Variants in FRMPD4 observed in about 807,000 individuals in gnomAD.
FRMPD4 encodes the protein FERM and PDZ domain-containing protein 4.
FRMPD4 carries 22 observed loss-of-function variants against 94.1 expected under a neutral mutation model. That is an observed-to-expected ratio of 0.23 (90% CI 0.17 to 0.33). The LOEUF is 0.33. FRMPD4 is among the 10% of genes least tolerant of loss of function. The probability of loss-of-function intolerance (pLI) is 1.00; values close to 1 mark genes in which losing one functional copy is unlikely to be tolerated. For missense variants in FRMPD4, 1,111 were observed against 1,339.9 expected (o/e 0.83, Z 2.67); for synonymous variants, 631 against 548.6 (o/e 1.15, Z -2.10).
chrX:12,027,207 G>A (rs1019962980), intron 3 of FRMPD4, among the ~76,000 whole-genome samples: 2 of 111,633 alleles, frequency 1.8e-5, no homozygotes, highest in African/African-American at 6.5e-5. Context: ...TCTAATCTAG[G>A]GCTCATTGTT....
At chrX:12,570,071 A>T (rs994953146) in intron 2 of FRMPD4, among the ~76,000 whole-genome samples, 2 of 111,959 alleles carry the variant, frequency 1.8e-5, no homozygotes, top group Non-Finnish European at 3.8e-5. Context: ...ATAACTTTGT[A>T]GTTGGCCAAG....
intron 1 of FRMPD4, among the ~76,000 whole-genome samples, chrX:12,199,197 T>A (rs1214291358): frequency 2.7e-5 from 3 of 110,660 alleles, no homozygotes; most frequent in Non-Finnish European, 5.7e-5. Flanking sequence ...AACATTTCTT[T>A]ATTCTATAAA....
chrX:12,682,305 C>T (rs555927827), intron 5 of FRMPD4, among the ~76,000 whole-genome samples: 1 of 111,943 alleles, frequency 8.9e-6, no homozygotes, highest in African/African-American at 3.2e-5. Flanking sequence ...AAGTATAGGT[C>T]ACCCTAGTTG....
At chrX:12,036,874 T>C (rs1283094801) in intron 3 of FRMPD4, among the ~76,000 whole-genome samples, 1 of 112,329 alleles carries the variant, frequency 8.9e-6, no homozygotes, top group East Asian at 2.8e-4. Flanking sequence ...GCCATCCAGA[T>C]GCCATTGACA....
chrX:12,659,220 C>T (rs1263041885), intron 4 of FRMPD4, among the ~76,000 whole-genome samples: 1 of 112,572 alleles, frequency 8.9e-6, no homozygotes, highest in Non-Finnish European at 1.9e-5. Context: ...TAACTTGTCA[C>T]CTCTTAATGA....
At chrX:12,232,846 C>T (rs1363804309) in intron 1 of FRMPD4, among the ~76,000 whole-genome samples, 1 of 111,755 alleles carries the variant, frequency 8.9e-6, no homozygotes, top group Non-Finnish European at 1.9e-5. Flanking sequence ...CTTCAGGGAG[C>T]TAACAGTATA....
Position 12,721,475 on chromosome X carries a change from G to A in FRMPD4, c.4906G>A (p.Asp1636Asn), listed in dbSNP as rs1846551171. 3 of 755,531 alleles carry A rather than the reference G, an allele frequency of 4.0e-6. No individual in the cohort carries two copies. The highest frequency in any genetic ancestry group is 4.7e-6 in the Non-Finnish European group (3 of 639,024). The allele number at this position is 755,531 out of a possible 1,213,427, so 62.3% of individuals were successfully genotyped here. A position where few individuals can be genotyped will look rare whatever the true frequency, so the allele number is the denominator to read the frequency against. Residue 1636 changes from aspartate (D) to asparagine (N), a missense_variant, in exon 17 of 17, where the codon GAC becomes AAC. Transcript: ENST00000675598. ...KREESRPEAY[D>N]LTLSQYKQLL... ...GGAGGAGTCACGCCCTGAAGCGTAC[G>A]ACCTTACACTTTCTCAGTACAAGCA...
chrX:11,878,018 A>G (rs1320625021), exon 3 of FRMPD4, among the ~76,000 whole-genome samples: 2 of 112,014 alleles, frequency 1.8e-5, no homozygotes, highest in Non-Finnish European at 3.8e-5. Context: ...CATATTTGCC[A>G]GTGAGTAATG....
intron 9 of FRMPD4, among the ~76,000 whole-genome samples, chrX:12,699,561 A>T: frequency 8.9e-6 from 1 of 112,332 alleles, no homozygotes; most frequent in South Asian, 3.7e-4. Context: ...TGCAGAAGCC[A>T]TCCAGGGGTA....
chrX:12,347,985 A>G (rs759226008), intron 1 of FRMPD4, among the ~76,000 whole-genome samples: 6 of 112,175 alleles, frequency 5.3e-5, no homozygotes, highest in South Asian at 7.4e-4. Context: ...GTAAACATAT[A>G]TTTGATATCC....
chrX:12,580,036 C>G (rs2058849090), intron 2 of FRMPD4, among the ~76,000 whole-genome samples: 1 of 112,122 alleles, frequency 8.9e-6, no homozygotes. Context: ...CATAAAACAA[C>G]TATAAACTCT....
At chrX:11,979,767 C>T (rs145387049) in intron 3 of FRMPD4, among the ~76,000 whole-genome samples, 2,355 of 110,279 alleles carry the variant, frequency 0.021, 60 homozygotes, top group African/African-American at 0.075. Flanking sequence ...GATAATAAGT[C>T]CTTGTCTCCT....
chrX:11,922,424 C>G (rs1009562935), intron 3 of FRMPD4, among the ~76,000 whole-genome samples: 1 of 111,611 alleles, frequency 9.0e-6, no homozygotes, highest in African/African-American at 3.3e-5. Context: ...GAAACCTACC[C>G]CCATCATCCA....
At chrX:12,009,134 G>A (rs1481293026) in intron 3 of FRMPD4, among the ~76,000 whole-genome samples, 1 of 112,160 alleles carries the variant, frequency 8.9e-6, no homozygotes, top group Non-Finnish European at 1.9e-5. Context: ...AGCCATTTCA[G>A]TAGATCTTGT....
intron 3 of FRMPD4, among the ~76,000 whole-genome samples, chrX:12,081,798 C>T (rs900290405): frequency 9.0e-6 from 1 of 111,540 alleles, no homozygotes; most frequent in Non-Finnish European, 1.9e-5. Context: ...GTATTCTCTG[C>T]TCTGTATGAA....
chrX:12,325,840 C>T (rs1230908056), intron 1 of FRMPD4, among the ~76,000 whole-genome samples: 2 of 112,206 alleles, frequency 1.8e-5, no homozygotes, highest in Admixed American at 9.5e-5. Flanking sequence ...CCCTAAACTA[C>T]TCTTCAAGGT....
At chrX:11,895,334 G>A (rs997599043) in intron 3 of FRMPD4, among the ~76,000 whole-genome samples, 1 of 111,529 alleles carries the variant, frequency 9.0e-6, no homozygotes, top group Non-Finnish European at 1.9e-5. Flanking sequence ...AAAATCACCT[G>A]CAGTTAAGAA....
intron 4 of FRMPD4, among the ~76,000 whole-genome samples, chrX:12,618,370 G>A (rs971281153): frequency 1.8e-5 from 2 of 111,723 alleles, no homozygotes; most frequent in African/African-American, 3.2e-5. Context: ...GTATAGATAC[G>A]TAGGCATGAT....
chrX:12,520,009 T>C (rs1025638525), intron 2 of FRMPD4, among the ~76,000 whole-genome samples: 2 of 112,039 alleles, frequency 1.8e-5, no homozygotes, highest in African/African-American at 6.5e-5. Flanking sequence ...AAATTAAAAA[T>C]ATAACTACTA....
Sources: gnomAD v4.1 joint callset for allele counts (sites outside exome capture counted in the v4.1 genomes callset) on GRCh38, gnomAD v4.1.1 for gene constraint, MANE v1.5 for transcripts, NCBI Gene and HGNC (gene_info 2026-07-23, HGNC 2026-07-21) for gene names.